The following RTN4IP1 variants were observed in gnomAD, a reference collection of about 807,000 sequenced individuals.
The protein encoded by RTN4IP1 is reticulon 4 interacting protein 1, also known as NAD(P)H oxidoreductase RTN4IP1, mitochondrial.
RTN4IP1 carries 32 observed loss-of-function variants against 46.6 expected under a neutral mutation model. The ratio of observed to expected loss-of-function variants is 0.69; its 90% CI spans 0.52 to 0.92. RTN4IP1 has a LOEUF of 0.92. RTN4IP1 is among the 40% of genes least tolerant of loss of function. The pLI, the probability that RTN4IP1 is intolerant of heterozygous loss-of-function variation, is 0.00. For missense variants in RTN4IP1, 424 were observed against 485.8 expected (o/e 0.87, Z 1.20); for synonymous variants, 167 against 161.8 (o/e 1.03, Z -0.24).
chr6:106,593,756 A>C (rs1490812509), intron 5 of RTN4IP1, among the ~76,000 whole-genome samples: 1 of 152,216 alleles, frequency 6.6e-6, no homozygotes, highest in Non-Finnish European at 1.5e-5. Context: ...TATCCTGAAA[A>C]TCTGTGGGGA....
chr6:106,594,465 G>T (rs1372064199), intron 5 of RTN4IP1, among the ~76,000 whole-genome samples: 2 of 151,930 alleles, frequency 1.3e-5, no homozygotes, highest in African/African-American at 2.4e-5. Context: ...AGCCAAGGTC[G>T]TACCACTGCA....
intron 6 of RTN4IP1, among the ~76,000 whole-genome samples, chr6:106,590,323 A>G (rs919688376): frequency 1.8e-4 from 28 of 151,606 alleles, no homozygotes; most frequent in Admixed American, 6.6e-4. Flanking sequence ...TCAAACAAAA[A>G]CAAATACAAA....
upstream of RTN4IP1, among the ~76,000 whole-genome samples, chr6:106,630,030 A>G (rs1043235480): frequency 6.6e-6 from 1 of 152,190 alleles, no homozygotes; most frequent in African/African-American, 2.4e-5. Flanking sequence ...GGGCCACTTC[A>G]GTCTCTCTTC....
intron 8 of RTN4IP1, 103 bp downstream of exon 8, chr6:106,583,225 G>A: frequency 2.4e-6 from 2 of 841,080 alleles, no homozygotes; most frequent in Non-Finnish European, 3.9e-6. Context: ...AGGTGAGCAG[G>A]CTACCTCTGT....
chr6:106,593,139 T>C (rs891211148), intron 5 of RTN4IP1, among the ~76,000 whole-genome samples: 6 of 152,166 alleles, frequency 3.9e-5, no homozygotes, highest in Admixed American at 6.6e-5. Flanking sequence ...AGGTAACATA[T>C]GAAAAGGTTC....
intron 8 of RTN4IP1, among the ~76,000 whole-genome samples, chr6:106,578,225 A>G (rs1775275931): frequency 6.6e-6 from 1 of 152,242 alleles, no homozygotes; most frequent in South Asian, 2.1e-4. Flanking sequence ...GCAGAAAACA[A>G]TGAAGACTGT....
chr6:106,615,894 A>G (rs1211557901), intron 4 of RTN4IP1, among the ~76,000 whole-genome samples: 2 of 152,166 alleles, frequency 1.3e-5, no homozygotes, highest in Non-Finnish European at 2.9e-5. Context: ...GATAAAAAGA[A>G]AATAATTTTC....
In RTN4IP1 at chr6:106,629,206, A is replaced by AT; in HGVS notation, c.-186dup. 1 of 605,512 alleles carries AT rather than the reference A, an allele frequency of 1.7e-6. No homozygotes were observed. Among genetic ancestry groups the AT allele is most frequent in the South Asian group, 2.1e-5 (1 of 47,930 alleles). The allele number at this position is 605,512 out of a possible 1,614,324, so 37.5% of individuals were successfully genotyped here. ...ACTGAAAGAAGAATACGGAACTGTTATTCCGCTCTTCGCATATGAAATGCT... is the reference window on the plus strand; with the variant it reads ...ACTGAAAGAAGAATACGGAACTGTTATTTCCGCTCTTCGCATATGAAATGCT... On this transcript the variant is annotated 5_prime_UTR_variant, in exon 1 of 9. It removes the in-frame stop codon of an upstream open reading frame in the 5' UTR. Coordinates refer to ENST00000369063, the MANE Select transcript of RTN4IP1 (RefSeq NM_032730.5).
intron 5 of RTN4IP1, 101 bp from the exon 6 acceptor site, chr6:106,592,401 G>T: frequency 8.3e-7 from 1 of 1,209,938 alleles, no homozygotes. Flanking sequence ...ACATATATCA[G>T]ACTAATCTCT....
At chr6:106,604,069 C>G (rs1776004333) in intron 4 of RTN4IP1, among the ~76,000 whole-genome samples, 1 of 152,196 alleles carries the variant, frequency 6.6e-6, no homozygotes, top group South Asian at 2.1e-4. Flanking sequence ...TGGGTCCCTA[C>G]TGCCTTGGCT....
In RTN4IP1 at chr6:106,584,485, G is replaced by A. The variant is rs374373410; in HGVS notation, c.991-1065C>T. ...CAGTATGATATAAGCTACTACCATGGCGTGAGGCTGAAAAATGCAATGGAA... is the reference window on the plus strand; with the variant it reads ...CAGTATGATATAAGCTACTACCATGACGTGAGGCTGAAAAATGCAATGGAA... On this transcript the variant is annotated intron_variant, in intron 7 of 8. Transcript: ENST00000369063. Among the ~76,000 whole-genome samples, 7 of 152,294 alleles carry A rather than the reference G, an allele frequency of 4.6e-5. No individual in the cohort carries two copies. In the East Asian group the frequency reaches 1.2e-3, roughly 25 times the overall value.
chr6:106,591,956 C>T (rs1031438211), intron 6 of RTN4IP1, among the ~76,000 whole-genome samples: 2 of 152,142 alleles, frequency 1.3e-5, no homozygotes, highest in African/African-American at 2.4e-5. Flanking sequence ...ATAACTTCCT[C>T]AGTGCCTATC....
Position 106,629,099 on chromosome 6 carries a change from A to G in RTN4IP1, c.-78T>C. The G allele has an allele frequency of 7.2e-7, 1 of 1,394,000 alleles. No homozygotes were observed. Among genetic ancestry groups the G allele is most frequent in the Non-Finnish European group, 9.7e-7 (1 of 1,030,886 alleles). The allele number at this position is 1,394,000 out of a possible 1,614,324, so 86.4% of individuals were successfully genotyped here. On this transcript the variant is annotated 5_prime_UTR_variant, in exon 1 of 9. An upstream open reading frame in the 5' UTR loses its in-frame stop. Transcript: ENST00000369063. ...CAAACTCTCACCCCTGAATTCAGTC[A>G]AATTCTGCCAAACCACGGGCTAGTT...
At chr6:106,586,281 G>A (rs139838002) in intron 7 of RTN4IP1, among the ~76,000 whole-genome samples, 23 of 152,268 alleles carry the variant, frequency 1.5e-4, no homozygotes, top group East Asian at 3.9e-4. Context: ...AGCGTTGGTC[G>A]GACTGACACA....
rs548016803 is a variant in RTN4IP1, at chr6:106,592,636, C to A, written c.670-336G>T. Among the ~76,000 whole-genome samples the A allele has an allele frequency of 2.0e-5, 3 of 152,108 alleles. No individual in the cohort carries two copies. In the South Asian group the frequency reaches 6.2e-4, roughly 32 times the overall value. On this transcript the variant is annotated intron_variant, in intron 5 of 8. Transcript: ENST00000369063. ...CAGAAAAGACAGGAGTTGAAAGCCT[C>A]AAATTTGCCAAGTGCGGTGGCTCAC...
At chr6:106,577,447 CAA>C (rs58921891) in intron 8 of RTN4IP1, among the ~76,000 whole-genome samples, 2 of 55,412 alleles carry the variant, frequency 3.6e-5, no homozygotes, top group African/African-American at 7.9e-5. Context: ...GACCCTGTCT[CAA>C]AAAAAAAAAA....
chr6:106,603,992 T>A (rs571387068), intron 4 of RTN4IP1, among the ~76,000 whole-genome samples: 24 of 152,332 alleles, frequency 1.6e-4, no homozygotes, highest in Non-Finnish European at 2.8e-4. Flanking sequence ...AAAACACTTT[T>A]CTGAACACTA....
rs756396717 is a variant in RTN4IP1 at position 106,609,294 on chromosome 6, G to A, written c.621-6372C>T. Among the ~76,000 whole-genome samples, 73 of 152,226 alleles carry A rather than the reference G, an allele frequency of 4.8e-4. 2 individuals carry two copies. The highest frequency in any genetic ancestry group is 2.2e-4 in the Non-Finnish European group (15 of 68,040). ...TCCATGGCCAGACATGGTGGCTTAC[G>A]CCTGTAATCCGGCACTTTGGGAGGC... On this transcript the variant is annotated intron_variant, in intron 4 of 8. Coordinates refer to ENST00000369063, the MANE Select transcript of RTN4IP1 (RefSeq NM_032730.5).
In RTN4IP1 at chr6:106,629,236, T is replaced by C. The variant is rs558436056; in HGVS notation, c.-215A>G. On this transcript the variant is annotated 5_prime_UTR_variant, in exon 1 of 9. Coordinates refer to ENST00000369063, the MANE Select transcript of RTN4IP1 (RefSeq NM_032730.5). ...GCTCTTCGCATATGAAATGCTCGAA[T>C]TAACGTTCCAGTCAGTATTCTGTCC... The C allele has an allele frequency of 1.3e-4, 77 of 585,586 alleles. No homozygotes were observed. The highest frequency in any genetic ancestry group is 1.8e-4 in the Non-Finnish European group (61 of 330,680). The allele number at this position is 585,586 out of a possible 1,614,324, so 36.3% of individuals were successfully genotyped here.
Sources: allele counts gnomAD v4.1 joint callset (sites outside exome capture counted in the v4.1 genomes callset), GRCh38; gene constraint gnomAD v4.1.1; transcripts MANE v1.5; gene names NCBI Gene and HGNC (gene_info 2026-07-23, HGNC 2026-07-21).